Variants in PRKCZ observed in about 807,000 individuals in gnomAD.
The protein encoded by PRKCZ is protein kinase C zeta, also known as protein kinase C zeta type.
Under a neutral mutation model 79.5 loss-of-function variants are expected in PRKCZ, and 33 were observed. The observed-to-expected ratio is 0.41, with a 90% CI of 0.31 to 0.55. The LOEUF is 0.55. Among genes scored for constraint, PRKCZ ranks in the 20% least tolerant of loss-of-function variants. The probability of loss-of-function intolerance (pLI) is 0.19; values close to 1 mark genes in which losing one functional copy is unlikely to be tolerated. For synonymous variants in PRKCZ, 342 were observed against 320.9 expected (o/e 1.07, Z -0.70); for missense variants, 578 against 813.5 (o/e 0.71, Z 3.52).
intron 4 of PRKCZ, among the ~76,000 whole-genome samples, chr1:2,091,789 G>A (rs967453513): frequency 7.2e-5 from 11 of 152,170 alleles, no homozygotes; most frequent in Admixed American, 1.3e-4. Context: ...CGGACCCACC[G>A]ATTACCAGGT....
upstream of PRKCZ, among the ~76,000 whole-genome samples, chr1:2,048,714 T>G (rs1659428530): frequency 6.6e-6 from 1 of 152,020 alleles, no homozygotes; most frequent in Admixed American, 6.6e-5. Flanking sequence ...CCATCTGAGC[T>G]GGGGATGCAA....
At position 2,185,056 on chromosome 1, in the gene PRKCZ, T is replaced by C. The variant is rs1292152247; in HGVS notation, c.*47T>C. ...GGACACGCGTGATTGACCCTTTAAC[T>C]GTATCCTTAACCACCGCATATGCAT... On this transcript the variant is annotated 3_prime_UTR_variant, in exon 18 of 18. Coordinates refer to ENST00000378567, the MANE Select transcript of PRKCZ (RefSeq NM_002744.6). 1.3e-6 allele frequency: 2 copies of C among 1,530,050 alleles called. No homozygotes were observed. The highest frequency in any genetic ancestry group is 2.3e-5 in the East Asian group (1 of 43,458). 94.8% of individuals were successfully genotyped at this position (1,530,050 alleles called of 1,614,324 possible).
At chr1:2,118,313 T>G (rs921965410) in intron 4 of PRKCZ, among the ~76,000 whole-genome samples, 1 of 146,926 alleles carries the variant, frequency 6.8e-6, no homozygotes, top group Admixed American at 6.8e-5. Flanking sequence ...TCCTTTTGAT[T>G]GATGCTTTTA....
chr1:2,178,776 G>A lies in PRKCZ; in HGVS notation c.1575+3463G>A, dbSNP rs530359307. On this transcript the variant is annotated intron_variant, in intron 16 of 17. Transcript: ENST00000378567. This position sits in a 1 kb window ranked among gnomAD's most constrained non-coding sequence, Gnocchi z 4.3. The stretch of plus-strand genomic sequence containing the variant: ...TCAGCTCCATGTGGGAGTGGGGCAC[G>A]TGTGAGGCCTTGGTCCCCACCTGTG... 5.3e-5 allele frequency among the ~76,000 whole-genome samples: 8 copies of A among 152,192 alleles called. No individual in the cohort carries two copies. Among genetic ancestry groups the A allele is most frequent in the Non-Finnish European group, 8.8e-5 (6 of 68,034 alleles).
chr1:2,074,465 C>T lies in PRKCZ; in HGVS notation c.334+14874C>T, dbSNP rs1056503714. ...GTCTGTCGGGGCCAGGACGGATGGC[C>T]GCTTCGTCTCCATTCTGCATTGCTG... On this transcript the variant is annotated intron_variant, in intron 4 of 17. Coordinates refer to ENST00000378567, the MANE Select transcript of PRKCZ (RefSeq NM_002744.6). Among the ~76,000 whole-genome samples, 16 of 152,182 alleles carry T rather than the reference C, an allele frequency of 1.1e-4. No individual in the cohort carries two copies. In the South Asian group the frequency reaches 1.7e-3, roughly 16 times the overall value.
intron 4 of PRKCZ, among the ~76,000 whole-genome samples, chr1:2,119,986 C>G (rs1431403831): frequency 6.6e-6 from 1 of 152,006 alleles, no homozygotes; most frequent in Non-Finnish European, 1.5e-5. Context: ...CTTTGGCATT[C>G]TTTCTGGAGG....
rs1351155976 is a variant in PRKCZ at position 2,127,362 on chromosome 1, G to C, written c.335-7900G>C. ...GAGTTGCAGGCTTGCGATCCGGGCA[G>C]GTCCCTCAGATGGAGGGGCTGCACC... On this transcript the variant is annotated intron_variant, in intron 4 of 17. Coordinates refer to ENST00000378567, the MANE Select transcript of PRKCZ (RefSeq NM_002744.6). This position sits in a 1 kb window ranked among gnomAD's most constrained non-coding sequence, Gnocchi z 5.1. Among the ~76,000 whole-genome samples the C allele has an allele frequency of 1.3e-5, 2 of 152,168 alleles. No homozygotes were observed. Among genetic ancestry groups the C allele is most frequent in the African/African-American group, 4.8e-5 (2 of 41,432 alleles).
intron 3 of PRKCZ, 50 bp downstream of exon 3, chr1:2,056,623 G>A (rs1295443880): frequency 1.3e-6 from 2 of 1,518,462 alleles, no homozygotes; most frequent in Non-Finnish European, 9.1e-7. Flanking sequence ...GTTCCTGGCT[G>A]TGGGTGTCTG....
chr1:2,103,454 G>A (rs1018682629), intron 4 of PRKCZ, among the ~76,000 whole-genome samples: 12 of 152,216 alleles, frequency 7.9e-5, no homozygotes, highest in Non-Finnish European at 1.5e-4. Context: ...CGTGTGCCTC[G>A]GGAAGGCCTG....
chr1:2,170,457 GT>G (rs1684209900), intron 11 of PRKCZ, among the ~76,000 whole-genome samples: 2 of 151,430 alleles, frequency 1.3e-5, no homozygotes, highest in Admixed American at 1.3e-4. Context: ...ATCTAGAACA[GT>G]ACACTTCCCA....
chr1:2,139,265 A>T (rs1676835532), intron 5 of PRKCZ, among the ~76,000 whole-genome samples: 1 of 152,044 alleles, frequency 6.6e-6, no homozygotes, highest in South Asian at 2.1e-4. Context: ...AACACAAGAC[A>T]TTTTCTCTGT....
rs1327027904 is a variant in PRKCZ at position 2,172,158 on chromosome 1, C to A, written c.1165C>A (p.His389Asn). ...LDNVLLDADG[H>N]IKLTDYGMCK... is the part of the protein sequence containing the mutation. The stretch of plus-strand genomic sequence containing the variant: ...CAACGTCCTCCTGGATGCGGACGGG[C>A]ACATCAAGCTCACAGACTACGGCAT... The change falls in exon 12 of 18, where the codon CAC (histidine) becomes AAC (asparagine). Residue 389 changes from histidine to asparagine, a missense_variant. Transcript: ENST00000378567. This position sits in a 1 kb window ranked among gnomAD's most constrained non-coding sequence, Gnocchi z 7.8. 1 of 1,613,378 alleles carries A rather than the reference C, an allele frequency of 6.2e-7. No homozygotes were observed. Among genetic ancestry groups the A allele is most frequent in the Non-Finnish European group, 8.5e-7 (1 of 1,179,964 alleles).
At chr1:2,181,087 C>G (rs1286679264) in intron 16 of PRKCZ, among the ~76,000 whole-genome samples, 1 of 150,712 alleles carries the variant, frequency 6.6e-6, no homozygotes, top group Non-Finnish European at 1.5e-5. Context: ...TGCTTCTCCC[C>G]ACCCCACCCC....
At chr1:2,182,783 C>G (rs1686867884) in intron 16 of PRKCZ, 1 of 154,474 alleles carries the variant, frequency 6.5e-6, no homozygotes, top group Non-Finnish European at 1.5e-5. Flanking sequence ...CAGGAGCACA[C>G]ACCTAAGGGG....
At chr1:2,167,777 G>A (rs1373193988) in intron 10 of PRKCZ, among the ~76,000 whole-genome samples, 3 of 152,104 alleles carry the variant, frequency 2.0e-5, no homozygotes, top group Non-Finnish European at 4.4e-5. Flanking sequence ...GGTCATTTTT[G>A]TATCTTTAGT....
At chr1:2,143,325 G>C (rs1677795453) in intron 5 of PRKCZ, 1 of 152,228 alleles carries the variant, frequency 6.6e-6, no homozygotes, top group Non-Finnish European at 1.5e-5. Context: ...CACCACGCCC[G>C]GCCTATATTT....
At chr1:2,081,834 G>C (rs534135259) in intron 4 of PRKCZ, among the ~76,000 whole-genome samples, 21 of 144,792 alleles carry the variant, frequency 1.5e-4, no homozygotes, top group Non-Finnish European at 2.0e-4. Flanking sequence ...CCGCCCCCCA[G>C]CATCCCCTTC....
intron 4 of PRKCZ, among the ~76,000 whole-genome samples, chr1:2,068,183 C>T (rs1182940996): frequency 2.6e-5 from 4 of 152,222 alleles, no homozygotes; most frequent in Non-Finnish European, 2.9e-5. Flanking sequence ...AGCCACAGCC[C>T]GGCCCTGGTA....
rs1661951131 is a variant in PRKCZ at position 2,074,164 on chromosome 1, T to C, written c.334+14573T>C. 4 of 1,548,506 alleles carry C rather than the reference T, an allele frequency of 2.6e-6. No homozygotes were observed. The Admixed American group carries it at 5.9e-5, about 23-fold the overall frequency. ...CCCAGCAATGTCAGGGGAAACGCAG[T>C]GAGAGGCTGTTGTTTTGCGGGTGAC... On this transcript the variant is annotated intron_variant, in intron 4 of 17. Transcript: ENST00000378567.
Sources: gnomAD v4.1 joint callset for allele counts (sites outside exome capture counted in the v4.1 genomes callset) on GRCh38, gnomAD v4.1.1 for gene constraint, Gnocchi (gnomAD v3.1) non-coding constraint, MANE v1.5 for transcripts, NCBI Gene and HGNC (gene_info 2026-07-23, HGNC 2026-07-21) for gene names.